The following KCNA2 variants were observed in gnomAD, a reference collection of about 807,000 sequenced individuals.
KCNA2 encodes the protein potassium voltage-gated channel subfamily A member 2.
KCNA2 carries 11 observed loss-of-function variants against 33.4 expected under a neutral mutation model. The observed-to-expected ratio is 0.33, with a 90% CI of 0.21 to 0.55. The LOEUF is 0.55. Among genes scored for constraint, KCNA2 ranks in the 20% least tolerant of loss-of-function variants. The probability of loss-of-function intolerance (pLI) is 0.93; values close to 1 mark genes in which losing one functional copy is unlikely to be tolerated. For synonymous variants in KCNA2, 222 were observed against 231.3 expected (o/e 0.96, Z 0.37); for missense variants, 291 against 621.6 (o/e 0.47, Z 5.66).
chr1:110,626,466 C>T (rs536121796), intron 1 of KCNA2, among the ~76,000 whole-genome samples: 2 of 152,128 alleles, frequency 1.3e-5, no homozygotes, highest in Admixed American at 6.5e-5. Flanking sequence ...AGAAATGAAT[C>T]TCGGTGGTTA....
chr1:110,615,373 A>G (rs1349152122), intron 1 of KCNA2, among the ~76,000 whole-genome samples: 1 of 152,232 alleles, frequency 6.6e-6, no homozygotes, highest in Non-Finnish European at 1.5e-5. Flanking sequence ...CTGGGAACTC[A>G]AATCTGAGGC....
intron 1 of KCNA2, among the ~76,000 whole-genome samples, chr1:110,626,644 C>T (rs1223147153): frequency 1.3e-5 from 2 of 152,070 alleles, no homozygotes; most frequent in Non-Finnish European, 2.9e-5. Context: ...TGTTAGAAAA[C>T]GTATATACAC....
chr1:110,618,672 A>G (rs764755410), intron 1 of KCNA2, among the ~76,000 whole-genome samples: 1 of 152,120 alleles, frequency 6.6e-6, no homozygotes, highest in Non-Finnish European at 1.5e-5. Context: ...CAAACATGGC[A>G]CATCCCAAAC....
At position 110,600,884 on chromosome 1, in the gene KCNA2, C is replaced by T; in HGVS notation, c.*2399G>A. On this transcript the variant is annotated 3_prime_UTR_variant, in exon 3 of 3. Coordinates refer to ENST00000316361, the MANE Select transcript of KCNA2 (RefSeq NM_004974.4). ...GGGCCTAGCACCCTGAGCTGGTGCCCCATGCCCCAAGACAACTGTAGGTGC... is the reference window on the plus strand; with the variant it reads ...GGGCCTAGCACCCTGAGCTGGTGCCTCATGCCCCAAGACAACTGTAGGTGC... 1 of 985,450 alleles carries T rather than the reference C, an allele frequency of 1.0e-6. No individual in the cohort carries two copies. The allele number at this position is 985,450 out of a possible 1,614,324, so 61.0% of individuals were successfully genotyped here.
chr1:110,601,786 A>ATGTGTGTG lies in KCNA2; in HGVS notation c.*1496_*1497insCACACACA, dbSNP rs1553180975. Reference sequence around the variant, plus strand: ...TGAACTCCAGAAAATGAATATATATATATATATATGTGTGTGTGTGTGTGT... The same window carrying ATGTGTGTG: ...TGAACTCCAGAAAATGAATATATATATGTGTGTGTATATATATGTGTGTGTGTGTGTGT... On this transcript the variant is annotated 3_prime_UTR_variant, in exon 3 of 3. Coordinates refer to ENST00000316361, the MANE Select transcript of KCNA2 (RefSeq NM_004974.4). 5 of 1,160,666 alleles carry ATGTGTGTG rather than the reference A, an allele frequency of 4.3e-6. No homozygotes were observed. The highest frequency in any genetic ancestry group is 5.4e-5 in the Admixed American group (1 of 18,546). 71.9% of individuals were successfully genotyped at this position (1,160,666 alleles called of 1,614,324 possible).
chr1:110,619,350 TG>T (rs1650171647), intron 1 of KCNA2, among the ~76,000 whole-genome samples: 1 of 152,238 alleles, frequency 6.6e-6, no homozygotes, highest in South Asian at 2.1e-4. Context: ...GTTTTAACCT[TG>T]TGCCTGGCAC....
chr1:110,620,781 A>T (rs1650235327), intron 1 of KCNA2, among the ~76,000 whole-genome samples: 1 of 152,026 alleles, frequency 6.6e-6, no homozygotes, highest in African/African-American at 2.4e-5. Flanking sequence ...TATCCTTCCC[A>T]CACACCCCCA....
Position 110,600,829 on chromosome 1 carries a change from T to C in KCNA2, c.*2454A>G. ...GGGATGCCCTGCAGATACCTGGGGATGTGGGTGACCAGGCACTAATGAGCA... is the reference window on the plus strand; with the variant it reads ...GGGATGCCCTGCAGATACCTGGGGACGTGGGTGACCAGGCACTAATGAGCA... On this transcript the variant is annotated 3_prime_UTR_variant, in exon 3 of 3. Coordinates refer to ENST00000316361, the MANE Select transcript of KCNA2 (RefSeq NM_004974.4). 3 of 985,396 alleles carry C rather than the reference T, an allele frequency of 3.0e-6. No individual in the cohort carries two copies. Among genetic ancestry groups the C allele is most frequent in the Non-Finnish European group, 3.6e-6 (3 of 829,924 alleles). 61.0% of individuals were successfully genotyped at this position (985,396 alleles called of 1,614,324 possible).
rs752785338 is a variant in KCNA2, at chr1:110,604,318, G to A, written c.465C>T (p.Tyr155=). Residue 155 remains tyrosine, a synonymous_variant, in exon 3 of 3, where the codon TAC becomes TAT. Coordinates refer to ENST00000316361, the MANE Select transcript of KCNA2 (RefSeq NM_004974.4). This position sits in a 1 kb window ranked among gnomAD's most constrained non-coding sequence, Gnocchi z 7.6. ...FQRQVWLLFE[Y]PESSGPARII... ...TCCTGGCAGGCCCTGAGCTCTCTGGGTATTCAAAGAGAAGCCACACTTGTC... is the reference window on the plus strand; with the variant it reads ...TCCTGGCAGGCCCTGAGCTCTCTGGATATTCAAAGAGAAGCCACACTTGTC... The A allele has an allele frequency of 1.9e-5, 30 of 1,613,278 alleles. No individual in the cohort carries two copies. The highest frequency in any genetic ancestry group is 5.4e-5 in the African/African-American group (4 of 74,566).
In KCNA2 at chr1:110,595,673, G is replaced by A. The variant is rs1440867467; in HGVS notation, c.*7610C>T. ...CATCCAGCTGTTTCTTGAGTGATGT[G>A]TACAGCTTACCCCCAAAGAGGCAAC... On this transcript the variant is annotated 3_prime_UTR_variant, in exon 3 of 3. Coordinates refer to ENST00000316361, the MANE Select transcript of KCNA2 (RefSeq NM_004974.4). 4.1e-6 allele frequency: 4 copies of A among 985,434 alleles called. No individual in the cohort carries two copies. Among genetic ancestry groups the A allele is most frequent in the Non-Finnish European group, 4.8e-6 (4 of 829,948 alleles). 61.0% of individuals were successfully genotyped at this position (985,434 alleles called of 1,614,324 possible). A position where few individuals can be genotyped will look rare whatever the true frequency, so the allele number is the denominator to read the frequency against.
intron 1 of KCNA2, among the ~76,000 whole-genome samples, chr1:110,620,167 C>G (rs1048979747): frequency 3.3e-5 from 5 of 152,064 alleles, no homozygotes; most frequent in African/African-American, 4.8e-5. Context: ...CTAACATACC[C>G]CTGTCCTCAC....
chr1:110,601,682 G>C lies in KCNA2; in HGVS notation c.*1601C>G. The C allele has an allele frequency of 9.2e-7, 1 of 1,086,800 alleles. No homozygotes were observed. Among genetic ancestry groups the C allele is most frequent in the Non-Finnish European group, 1.1e-6 (1 of 897,008 alleles). The allele number at this position is 1,086,800 out of a possible 1,614,324, so 67.3% of individuals were successfully genotyped here. A position where few individuals can be genotyped will look rare whatever the true frequency, so the allele number is the denominator to read the frequency against. On this transcript the variant is annotated 3_prime_UTR_variant, in exon 3 of 3. Coordinates refer to ENST00000316361, the MANE Select transcript of KCNA2 (RefSeq NM_004974.4). Reference sequence around the variant, plus strand: ...CAATGGCAGCAAACCCAGGCCCAGTGGGGTTACCAATGAGACAAATTAACC... The same window carrying C: ...CAATGGCAGCAAACCCAGGCCCAGTCGGGTTACCAATGAGACAAATTAACC...
In KCNA2 at chr1:110,601,856, A is replaced by G. The variant is rs1364662732; in HGVS notation, c.*1427T>C. On this transcript the variant is annotated 3_prime_UTR_variant, in exon 3 of 3. Coordinates refer to ENST00000316361, the MANE Select transcript of KCNA2 (RefSeq NM_004974.4). Reference sequence around the variant, plus strand: ...TACATATACACACATATGTATGTATATATATACACCCTAGTGCACATAGTC... The same window carrying G: ...TACATATACACACATATGTATGTATGTATATACACCCTAGTGCACATAGTC... 5 of 1,428,510 alleles carry G rather than the reference A, an allele frequency of 3.5e-6. No homozygotes were observed. Among genetic ancestry groups the G allele is most frequent in the South Asian group, 1.6e-5 (1 of 64,430 alleles). 88.5% of individuals were successfully genotyped at this position (1,428,510 alleles called of 1,614,324 possible). A position where few individuals can be genotyped will look rare whatever the true frequency, so the allele number is the denominator to read the frequency against.
chr1:110,620,033 TGA>T (rs1291849544), intron 1 of KCNA2, among the ~76,000 whole-genome samples: 3 of 103,090 alleles, frequency 2.9e-5, no homozygotes, highest in African/African-American at 1.2e-4. Flanking sequence ...AGCAGCTTAA[TGA>T]GAGAGAGAGA....
rs1649046027 is a variant in KCNA2 at position 110,595,231 on chromosome 1, A to G, written c.*8052T>C. 9.4e-5 allele frequency: 93 copies of G among 985,344 alleles called. No homozygotes were observed. Among genetic ancestry groups the G allele is most frequent in the Non-Finnish European group, 1.1e-4 (90 of 829,950 alleles). The allele number at this position is 985,344 out of a possible 1,614,324, so 61.0% of individuals were successfully genotyped here. A position where few individuals can be genotyped will look rare whatever the true frequency, so the allele number is the denominator to read the frequency against. ...TGTGCATCCATCAGTGGAATGATGC[A>G]GGGAGTTCTCAGCTGCAAACTCATC... is the stretch of plus-strand genomic sequence containing the variant. On this transcript the variant is annotated 3_prime_UTR_variant, in exon 3 of 3. Transcript: ENST00000316361.
chr1:110,593,968 C>T lies in KCNA2; in HGVS notation c.*9315G>A. 6.5e-7 allele frequency: 1 copy of T among 1,549,282 alleles called. No homozygotes were observed. The highest frequency in any genetic ancestry group is 8.7e-7 in the Non-Finnish European group (1 of 1,146,440). On this transcript the variant is annotated 3_prime_UTR_variant, in exon 3 of 3. Transcript: ENST00000316361. ...AGCAAACAAATAGTTAAATGACTCC[C>T]AACTCCCATGAGTCTTCCCCGCAAG...
chr1:110,613,759 CT>C (rs1649959022), intron 1 of KCNA2, among the ~76,000 whole-genome samples: 1 of 152,128 alleles, frequency 6.6e-6, no homozygotes, highest in African/African-American at 2.4e-5. Flanking sequence ...GCTTAAGCAT[CT>C]TGTTCAGGGT....
chr1:110,623,014 G>A (rs1211998736), intron 1 of KCNA2, among the ~76,000 whole-genome samples: 4 of 152,050 alleles, frequency 2.6e-5, no homozygotes, highest in Non-Finnish European at 4.4e-5. Flanking sequence ...AATAACCAAA[G>A]CAATTTTGAG....
Position 110,600,439 on chromosome 1 carries a change from T to A in KCNA2, c.*2844A>T. 2 of 985,216 alleles carry A rather than the reference T, an allele frequency of 2.0e-6. No individual in the cohort carries two copies. Among genetic ancestry groups the A allele is most frequent in the Non-Finnish European group, 2.4e-6 (2 of 829,876 alleles). 61.0% of individuals were successfully genotyped at this position (985,216 alleles called of 1,614,324 possible). A position where few individuals can be genotyped will look rare whatever the true frequency, so the allele number is the denominator to read the frequency against. On this transcript the variant is annotated 3_prime_UTR_variant, in exon 3 of 3. Transcript: ENST00000316361. ...GGTGTATGTTTGTCTTTTGTGTATGTTCTGTGTAAATTCTATATCTGTGCA... is the reference window on the plus strand; with the variant it reads ...GGTGTATGTTTGTCTTTTGTGTATGATCTGTGTAAATTCTATATCTGTGCA...
Sources: allele counts gnomAD v4.1 joint callset (sites outside exome capture counted in the v4.1 genomes callset), GRCh38; gene constraint gnomAD v4.1.1; non-coding constraint Gnocchi (gnomAD v3.1); transcripts MANE v1.5; gene names NCBI Gene and HGNC (gene_info 2026-07-23, HGNC 2026-07-21).